DPP8: variants seen among roughly 807,000 people sequenced by gnomAD.
DPP8 encodes the protein DPP VIII.
DPP8 carries 31 observed loss-of-function variants against 107.5 expected under a neutral mutation model. The observed-to-expected ratio is 0.29, with a 90% confidence interval of 0.22 to 0.39. The LOEUF (loss-of-function observed/expected upper bound fraction) is 0.39, where lower values mean the gene tolerates loss of function less well. Ranked by LOEUF, DPP8 falls within the 10% of genes least tolerant of loss-of-function variation. The pLI, the probability that DPP8 is intolerant of heterozygous loss-of-function variation, is 1.00. For synonymous variants in DPP8, 381 were observed against 356.6 expected (o/e 1.07, Z -0.77); for missense variants, 842 against 1,076.1 (o/e 0.78, Z 3.04).
In DPP8 at chr15:65,456,366, C is replaced by T; in HGVS notation, c.1977G>A (p.Gln659=). The T allele has an allele frequency of 1.2e-6, 2 of 1,609,792 alleles. No individual in the cohort carries two copies. Among genetic ancestry groups the T allele is most frequent in the Non-Finnish European group, 1.7e-6 (2 of 1,178,784 alleles). ...VLFIYGGPQV[Q]LVNNRFKGVK... Reference sequence around the variant, plus strand: ...CTCCTTTAAACCGATTATTCACCAACTGCACCTGAGGAAGAAACACAACTT... The same window carrying T: ...CTCCTTTAAACCGATTATTCACCAATTGCACCTGAGGAAGAAACACAACTT... The change falls in exon 16 of 20, where the codon CAG becomes CAA. Residue 659 remains glutamine, a synonymous_variant. Transcript: ENST00000300141.
intron 3 of DPP8, among the ~76,000 whole-genome samples, chr15:65,503,313 T>C (rs2069476462): frequency 6.6e-6 from 1 of 152,150 alleles, no homozygotes; most frequent in South Asian, 2.1e-4. Context: ...TCCATGTTGA[T>C]GAGGCTGGTC....
Position 65,495,260 on chromosome 15 carries a change from T to C in DPP8, c.715+2604A>G, listed in dbSNP as rs111733990. Among the ~76,000 whole-genome samples the C allele has an allele frequency of 5.0e-3, 761 of 152,286 alleles. 2 individuals are homozygous for C. Among genetic ancestry groups the C allele is most frequent in the African/African-American group, 0.017 (722 of 41,574 alleles). ...TTACTTAGGATCAGTTTAGGTGTCA[T>C]CTTTTCTGGAAAGCCTTCCCTGACC... On this transcript the variant is annotated intron_variant, in intron 5 of 19. Transcript: ENST00000300141.
rs1218614494 is a variant in DPP8, at chr15:65,443,155, T to TA, written c.*3728dup. ...TTAACCATTTTTATGTGGTTACCTTTAAAATGTTTTATAGGAATATATTAA... is the reference window on the plus strand; with the variant it reads ...TTAACCATTTTTATGTGGTTACCTTTAAAAATGTTTTATAGGAATATATTAA... On this transcript the variant is annotated 3_prime_UTR_variant, in exon 20 of 20. Transcript: ENST00000300141. 1.3e-5 allele frequency: 2 copies of TA among 152,340 alleles called. No individual in the cohort carries two copies. Among genetic ancestry groups the TA allele is most frequent in the African/African-American group, 4.8e-5 (2 of 41,574 alleles). 9.4% of individuals were successfully genotyped at this position (152,340 alleles called of 1,614,324 possible). A position where few individuals can be genotyped will look rare whatever the true frequency, so the allele number is the denominator to read the frequency against.
intron 5 of DPP8, among the ~76,000 whole-genome samples, chr15:65,491,702 T>C (rs2068048237): frequency 6.6e-6 from 1 of 152,222 alleles, no homozygotes; most frequent in Admixed American, 6.5e-5. Context: ...ATCTTGTCTG[T>C]TTCCAGTTTC....
chr15:65,461,366 A>G (rs1211468625), intron 15 of DPP8, among the ~76,000 whole-genome samples: 1 of 151,616 alleles, frequency 6.6e-6, no homozygotes, highest in Non-Finnish European at 1.5e-5. Flanking sequence ...TTGTCTCCCA[A>G]CTCCTAGGCT....
intron 11 of DPP8, among the ~76,000 whole-genome samples, 193 bp downstream of exon 11, chr15:65,478,687 G>A (rs945741036): frequency 2.0e-5 from 3 of 152,032 alleles, no homozygotes; most frequent in South Asian, 2.1e-4. Flanking sequence ...TTTATAATAC[G>A]TGTCAATCCA....
chr15:65,507,598 G>A (rs2070216556), intron 2 of DPP8, among the ~76,000 whole-genome samples: 1 of 150,000 alleles, frequency 6.7e-6, no homozygotes. Context: ...TACAGTGGGA[G>A]GATCACTTGA....
At chr15:65,512,931 T>C (rs2141126090) in intron 1 of DPP8, 1 of 197,144 alleles carries the variant, frequency 5.1e-6, no homozygotes, top group South Asian at 1.5e-4. Context: ...ACGTCAATAG[T>C]GAAGCTAACT....
At chr15:65,453,790 T>C (rs747050585) in intron 17 of DPP8, among the ~76,000 whole-genome samples, 16 of 150,564 alleles carry the variant, frequency 1.1e-4, no homozygotes, top group Non-Finnish European at 2.1e-4. Flanking sequence ...CTTTTAAACA[T>C]ACAAACCCTA....
rs567792987 is a variant in DPP8, at chr15:65,497,976, A to G, written c.603T>C (p.Asp201=). 1 of 1,611,522 alleles carries G rather than the reference A, an allele frequency of 6.2e-7. No individual in the cohort carries two copies. The highest frequency in any genetic ancestry group is 1.3e-5 in the African/African-American group (1 of 75,012). Residue 201 remains aspartate (D), a synonymous_variant, in exon 5 of 20, where the codon GAT becomes GAC. Coordinates refer to ENST00000300141, the MANE Select transcript of DPP8 (RefSeq NM_130434.5). ...VETSCPNIRM[D]PKLCPADPDW... ...CTGGATCAGCAGGGCATAATTTTGG[A>G]TCCATCCGTATGTTGGGACAACTAG...
chr15:65,513,687 A>T (rs758074297), intron 1 of DPP8, among the ~76,000 whole-genome samples: 46 of 152,242 alleles, frequency 3.0e-4, no homozygotes, highest in Non-Finnish European at 6.0e-4. Context: ...AAAAGTATAA[A>T]CTGGGGTTTA....
At chr15:65,487,138 T>C (rs975746844) in intron 7 of DPP8, among the ~76,000 whole-genome samples, 1 of 152,058 alleles carries the variant, frequency 6.6e-6, no homozygotes. Context: ...CTGTATTTGC[T>C]AGCAAAGACA....
rs1306865686 is a variant in DPP8 at position 65,467,224 on chromosome 15, C to G, written c.1537-1G>C. 6.2e-7 allele frequency: 1 copy of G among 1,614,028 alleles called. No individual in the cohort carries two copies. Among genetic ancestry groups the G allele is most frequent in the Non-Finnish European group, 8.5e-7 (1 of 1,179,978 alleles). ...GCCTTCTGACTTCATCAACTTGGAT[C>G]TGACAAGATAACAACAATAACAAAA... On this transcript the variant is annotated splice_acceptor_variant, in intron 12 of 19. Coordinates refer to ENST00000300141, the MANE Select transcript of DPP8 (RefSeq NM_130434.5). LOFTEE classifies it high-confidence loss of function.
At position 65,512,166 on chromosome 15, in the gene DPP8, G is replaced by C; in HGVS notation, c.259+129C>G. ...CAAAATCGAATTCTTCAAATTATAG[G>C]CTTTTCTTTAATGAAACCAAAAGTC... On this transcript the variant is annotated intron_variant, in intron 2 of 19. Transcript: ENST00000300141. 6 of 915,896 alleles carry C rather than the reference G, an allele frequency of 6.6e-6. No individual in the cohort carries two copies. In the South Asian group the frequency reaches 8.7e-5, roughly 13 times the overall value. The allele number at this position is 915,896 out of a possible 1,614,324, so 56.7% of individuals were successfully genotyped here.
At chr15:65,464,479 T>C (rs1356393968) in intron 14 of DPP8, among the ~76,000 whole-genome samples, 1 of 152,048 alleles carries the variant, frequency 6.6e-6, no homozygotes, top group African/African-American at 2.4e-5. Flanking sequence ...CCCAAGAGTT[T>C]GTGACCAGCC....
intron 5 of DPP8, among the ~76,000 whole-genome samples, chr15:65,492,687 C>T (rs1363801542): frequency 6.6e-6 from 1 of 150,924 alleles, no homozygotes; most frequent in Non-Finnish European, 1.5e-5. Flanking sequence ...CCTTCATCTC[C>T]TGGGCTCAAG....
chr15:65,477,691 G>A (rs1595961501), intron 11 of DPP8, among the ~76,000 whole-genome samples: 1 of 151,550 alleles, frequency 6.6e-6, no homozygotes, highest in Non-Finnish European at 1.5e-5. Flanking sequence ...CACCACGCCC[G>A]GCTAATTTTT....
Position 65,459,324 on chromosome 15 carries a change from T to C in DPP8, c.1972-2953A>G, listed in dbSNP as rs1012538713. Among the ~76,000 whole-genome samples the C allele has an allele frequency of 4.3e-4, 65 of 152,074 alleles. 1 individual carries two copies. Among genetic ancestry groups the C allele is most frequent in the African/African-American group, 1.6e-3 (65 of 41,504 alleles). On this transcript the variant is annotated intron_variant, in intron 15 of 19. Transcript: ENST00000300141. The stretch of plus-strand genomic sequence containing the variant: ...CCCAAGTAGCTGGGACCAGAGGTGT[T>C]TGCCACCATGCCCAACTAATTTTTT...
At chr15:65,480,672 C>A (rs1172933169) in intron 9 of DPP8, among the ~76,000 whole-genome samples, 1 of 152,150 alleles carries the variant, frequency 6.6e-6, no homozygotes, top group Non-Finnish European at 1.5e-5. Flanking sequence ...ATGGCTCATG[C>A]CTATAATCCC....
Sources: gnomAD v4.1 joint callset for allele counts (sites outside exome capture counted in the v4.1 genomes callset) on GRCh38, gnomAD v4.1.1 for gene constraint, MANE v1.5 for transcripts, NCBI Gene and HGNC (gene_info 2026-07-23, HGNC 2026-07-21) for gene names.